The following NOC3L variants were observed in gnomAD, a reference collection of about 807,000 sequenced individuals.
NOC3L encodes NOC3 like DNA replication regulator, also known as nucleolar complex protein 3 homolog.
In NOC3L, 85 loss-of-function variants were observed where a neutral mutation model predicts 102.5. That is an observed-to-expected ratio of 0.83 (90% CI 0.70 to 0.99). NOC3L has a LOEUF of 0.99. Among genes scored for constraint, NOC3L ranks in the 50% least tolerant of loss-of-function variants. The pLI is 0.00. For synonymous variants in NOC3L, 303 were observed against 309.4 expected (o/e 0.98, Z 0.22); for missense variants, 878 against 914.9 (o/e 0.96, Z 0.52).
intron 10 of NOC3L, among the ~76,000 whole-genome samples, chr10:94,347,543 G>A (rs1205594658): frequency 6.6e-6 from 1 of 152,040 alleles, no homozygotes; most frequent in African/African-American, 2.4e-5. Context: ...AATATGCTCT[G>A]TTACTTTCAT....
At chr10:94,351,870 A>G (rs547162006) in intron 8 of NOC3L, among the ~76,000 whole-genome samples, 1 of 152,246 alleles carries the variant, frequency 6.6e-6, no homozygotes, top group African/African-American at 2.4e-5. Context: ...TCCAAATAAA[A>G]AACAGCAGAA....
chr10:94,352,797 G>T, intron 7 of NOC3L, 99 bp downstream of exon 7: 1 of 1,018,406 alleles, frequency 9.8e-7, no homozygotes, highest in Non-Finnish European at 1.5e-6. Flanking sequence ...ACTCTAGTCT[G>T]GGCGACAGAG....
At chr10:94,351,441 G>C (rs533507114) in intron 8 of NOC3L, among the ~76,000 whole-genome samples, 2 of 152,126 alleles carry the variant, frequency 1.3e-5, no homozygotes. Flanking sequence ...CTTTTCTGAA[G>C]AGTTTAAGAG....
rs1045516004 is a variant in NOC3L, at chr10:94,357,542, T to C, written c.351-211A>G. On this transcript the variant is annotated intron_variant, in intron 3 of 20. Transcript: ENST00000371361. ...AACAACCTACCATACAAACTCAAAC[T>C]TTGGCTACATCCAGTTTTCCCTCTA... 1.3e-5 allele frequency: 5 copies of C among 371,718 alleles called. No homozygotes were observed. In the Admixed American group the frequency reaches 2.2e-4, roughly 17 times the overall value. 23.0% of individuals were successfully genotyped at this position (371,718 alleles called of 1,614,324 possible).
At chr10:94,359,461 A>AC (rs970331543) in intron 2 of NOC3L, among the ~76,000 whole-genome samples, 7 of 152,088 alleles carry the variant, frequency 4.6e-5, no homozygotes, top group Non-Finnish European at 7.4e-5. Context: ...AAAAAAAAAA[A>AC]CAAAAAAAGA....
the NOC3L span, among the ~76,000 whole-genome samples, chr10:94,320,040 C>A: frequency 2.0e-5 from 3 of 152,038 alleles, no homozygotes; most frequent in African/African-American, 7.2e-5. Context: ...GTTGTTGGGA[C>A]ATTTTATGTG....
the NOC3L span, chr10:94,324,453 T>C: frequency 6.2e-7 from 1 of 1,614,150 alleles, no homozygotes; most frequent in Non-Finnish European, 8.5e-7. Flanking sequence ...ACAAGAAGAC[T>C]ACCACACCAA....
chr10:94,342,579 CACACACGT>C (rs2054298172), intron 13 of NOC3L, among the ~76,000 whole-genome samples: 1 of 151,732 alleles, frequency 6.6e-6, no homozygotes, highest in Admixed American at 6.6e-5. Context: ...CACACACACA[CACACACGT>C]GCGCAAGTAT....
chr10:94,348,653 T>C (rs925798680), intron 10 of NOC3L, among the ~76,000 whole-genome samples: 11 of 152,086 alleles, frequency 7.2e-5, no homozygotes, highest in African/African-American at 2.4e-4. Flanking sequence ...AAAGATTAAA[T>C]AGTAACATTC....
At position 94,338,603 on chromosome 10, in the gene NOC3L, CT is replaced by C; in HGVS notation, c.2091+4del. 1.3e-6 allele frequency: 2 copies of C among 1,524,130 alleles called. No homozygotes were observed. Among genetic ancestry groups the C allele is most frequent in the Non-Finnish European group, 1.8e-6 (2 of 1,130,580 alleles). 94.4% of individuals were successfully genotyped at this position (1,524,130 alleles called of 1,614,324 possible). ...CAAAAAGAAAAAAACCAGGGCCACT[CT>C]TACCCGCAGAGCATGCAGTTCCCAC... On this transcript the variant is annotated splice_donor_region_variant and intron_variant, in intron 18 of 20. Transcript: ENST00000371361.
chr10:94,334,864 C>G, intron 19 of NOC3L, 146 bp from the exon 20 acceptor site: 1 of 628,104 alleles, frequency 1.6e-6, no homozygotes, highest in Non-Finnish European at 2.8e-6. Context: ...AGTCACTTAA[C>G]AAATTCTAAA....
At chr10:94,337,223 T>C (rs1205088710) in intron 19 of NOC3L, among the ~76,000 whole-genome samples, 1 of 152,050 alleles carries the variant, frequency 6.6e-6, no homozygotes, top group Admixed American at 6.5e-5. Context: ...CCAAGCTGCT[T>C]ATAGGTCAGA....
chr10:94,353,099 A>G lies in NOC3L; in HGVS notation c.697-42T>C, dbSNP rs756450467. On this transcript the variant is annotated intron_variant, in intron 6 of 20. Transcript: ENST00000371361. The stretch of plus-strand genomic sequence containing the variant: ...TTATAAAGCTGGAGAAATCATGACG[A>G]AACAATTATGAACAAAAGACAACAG... 5.9e-6 allele frequency: 9 copies of G among 1,521,842 alleles called. No individual in the cohort carries two copies. In the Admixed American group the frequency reaches 8.0e-5, roughly 13 times the overall value. 94.3% of individuals were successfully genotyped at this position (1,521,842 alleles called of 1,614,324 possible). A position where few individuals can be genotyped will look rare whatever the true frequency, so the allele number is the denominator to read the frequency against.
intron 2 of NOC3L, among the ~76,000 whole-genome samples, chr10:94,360,919 G>A (rs538977291): frequency 1.3e-5 from 2 of 152,156 alleles, no homozygotes; most frequent in South Asian, 4.2e-4. Flanking sequence ...GGCTGAAGCA[G>A]GAGGACTGCC....
rs553077009 is a variant in NOC3L at position 94,362,611 on chromosome 10, A to G, written c.9+219T>C. 3.9e-5 allele frequency among the ~76,000 whole-genome samples: 6 copies of G among 152,288 alleles called. No homozygotes were observed. In the East Asian group the frequency reaches 1.2e-3, roughly 29 times the overall value. On this transcript the variant is annotated intron_variant, in intron 1 of 20. Transcript: ENST00000371361. ...TCCTTCAAAGTATGAAATCCCACGC[A>G]TGCAAAACTCCGTGCCTGTCTCTTC... is the stretch of plus-strand genomic sequence containing the variant.
intron 20 of NOC3L, 91 bp from the exon 21 acceptor site, chr10:94,334,396 C>A: frequency 1.3e-6 from 1 of 779,170 alleles, no homozygotes; most frequent in Non-Finnish European, 2.1e-6. Flanking sequence ...CAACAGCTGA[C>A]ACCAACACAT....
At chr10:94,322,812 C>T in the NOC3L span, among the ~76,000 whole-genome samples, 1 of 151,348 alleles carries the variant, frequency 6.6e-6, no homozygotes, top group Admixed American at 6.6e-5. Context: ...AAAAATTAGC[C>T]AGGCATGGTA....
intron 3 of NOC3L, 57 bp downstream of exon 3, chr10:94,358,025 GA>G: frequency 8.7e-7 from 1 of 1,149,830 alleles, no homozygotes; most frequent in Admixed American, 1.8e-5. Context: ...GTGAAATTCA[GA>G]ACCAAGTTTT....
chr10:94,329,015 ATATT>A (rs1160767834), downstream of NOC3L: 2 of 152,210 alleles, frequency 1.3e-5, no homozygotes, highest in Non-Finnish European at 2.9e-5. Context: ...CTATACTTAT[ATATT>A]TATTATACAT....
Sources: gnomAD v4.1 joint callset for allele counts (sites outside exome capture counted in the v4.1 genomes callset) on GRCh38, gnomAD v4.1.1 for gene constraint, MANE v1.5 for transcripts, NCBI Gene and HGNC (gene_info 2026-07-23, HGNC 2026-07-21) for gene names.